MTCL2: variants seen among roughly 807,000 people sequenced by gnomAD.
The protein encoded by MTCL2 is microtubule crosslinking factor 2.
the MTCL2 span, among the ~76,000 whole-genome samples, chr20:36,817,646 G>A: frequency 3.3e-5 from 5 of 152,166 alleles, no homozygotes; most frequent in Admixed American, 3.3e-4. Flanking sequence ...ATCACCCAGT[G>A]AGCAGCAATG....
At chr20:36,801,584 AT>A in the MTCL2 span, among the ~76,000 whole-genome samples, 1 of 152,052 alleles carries the variant, frequency 6.6e-6, no homozygotes, top group Admixed American at 6.6e-5. Flanking sequence ...TTAAAAAAAA[AT>A]GACAAGAAAG....
the MTCL2 span, among the ~76,000 whole-genome samples, chr20:36,808,353 C>CG: frequency 7.6e-6 from 1 of 131,840 alleles, no homozygotes; most frequent in Non-Finnish European, 1.6e-5. Context: ...GACTCCATCT[C>CG]GGAAAAAAAA....
the MTCL2 span, among the ~76,000 whole-genome samples, chr20:36,810,860 C>T: frequency 2.6e-5 from 4 of 152,070 alleles, no homozygotes; most frequent in Non-Finnish European, 5.9e-5. Context: ...ACTGGGATTA[C>T]AGGCACCCGC....
the MTCL2 span, among the ~76,000 whole-genome samples, chr20:36,832,330 C>T: frequency 1.3e-5 from 2 of 152,220 alleles, no homozygotes; most frequent in African/African-American, 4.8e-5. Context: ...GGGGATGCCC[C>T]ATCTCCACCA....
chr20:36,828,712 G>A, the MTCL2 span: 11 of 246,052 alleles, frequency 4.5e-5, no homozygotes, highest in Non-Finnish European at 6.3e-5. Context: ...ACAGAGGGCT[G>A]AGCCCCATGC....
the MTCL2 span, among the ~76,000 whole-genome samples, chr20:36,842,697 G>A: frequency 6.6e-6 from 1 of 152,192 alleles, no homozygotes; most frequent in Non-Finnish European, 1.5e-5. Context: ...ATTTGAACCT[G>A]GGAGGCAGAG....
At chr20:36,862,623 C>G in the MTCL2 span, 1 of 1,476,054 alleles carries the variant, frequency 6.8e-7, no homozygotes, top group South Asian at 1.3e-5. Flanking sequence ...AGCCGGCGAC[C>G]CCTGCGACCT....
chr20:36,819,565 G>A, the MTCL2 span, among the ~76,000 whole-genome samples: 1 of 148,520 alleles, frequency 6.7e-6, no homozygotes, highest in African/African-American at 2.5e-5. Context: ...GGGCCAGAGT[G>A]TAGCCAGCAC....
the MTCL2 span, among the ~76,000 whole-genome samples, chr20:36,861,720 A>G: frequency 2.0e-5 from 3 of 152,216 alleles, no homozygotes; most frequent in Non-Finnish European, 4.4e-5. Context: ...GGAAGCTTCC[A>G]GCCTCCCAGG....
At chr20:36,847,371 ACT>A in the MTCL2 span, among the ~76,000 whole-genome samples, 1 of 151,632 alleles carries the variant, frequency 6.6e-6, no homozygotes, top group Admixed American at 6.6e-5. Flanking sequence ...CAAACCCCAC[ACT>A]CTGAAATCTA....
chr20:36,841,194 G>A, the MTCL2 span, among the ~76,000 whole-genome samples: 10 of 138,050 alleles, frequency 7.2e-5, no homozygotes, highest in African/African-American at 1.6e-4. Flanking sequence ...TGAGCCCAGC[G>A]TGGTGGTTCA....
At chr20:36,822,676 T>A in the MTCL2 span, among the ~76,000 whole-genome samples, 1 of 152,062 alleles carries the variant, frequency 6.6e-6, no homozygotes, top group Non-Finnish European at 1.5e-5. Context: ...CAGGGCAGAT[T>A]TTCACCAAAT....
chr20:36,830,594 A>G, the MTCL2 span, among the ~76,000 whole-genome samples: 1 of 152,200 alleles, frequency 6.6e-6, no homozygotes, highest in Non-Finnish European at 1.5e-5. Flanking sequence ...GCAAAGCAAA[A>G]CAAAACAGAG....
At chr20:36,858,522 A>G in the MTCL2 span, among the ~76,000 whole-genome samples, 97 of 140,568 alleles carry the variant, frequency 6.9e-4, 2 homozygotes, top group Non-Finnish European at 1.2e-3. Flanking sequence ...ACACACACAC[A>G]CGGCAGGGAA....
chr20:36,810,941 C>T, the MTCL2 span, among the ~76,000 whole-genome samples: 2 of 152,072 alleles, frequency 1.3e-5, no homozygotes, highest in Non-Finnish European at 2.9e-5. Context: ...AGGCTCATCT[C>T]GAACTCCTAG....
chr20:36,794,260 G>T, the MTCL2 span: 1 of 1,551,204 alleles, frequency 6.4e-7, no homozygotes, highest in South Asian at 1.2e-5. The surrounding 1 kb of genome is among the most constrained non-coding windows in gnomAD (Gnocchi z 5.4). Flanking sequence ...GCTCGATAAT[G>T]ATCTTGCCCT....
chr20:36,787,006 C>A, the MTCL2 span, among the ~76,000 whole-genome samples: 1 of 151,256 alleles, frequency 6.6e-6, no homozygotes, highest in Admixed American at 6.6e-5. Flanking sequence ...CCTTTTTTTT[C>A]GTTTGAGACA....
At chr20:36,817,527 T>C in the MTCL2 span, 1 of 1,477,408 alleles carries the variant, frequency 6.8e-7, no homozygotes, top group South Asian at 1.3e-5. Context: ...GCTCACAGAA[T>C]GATGCACATG....
At chr20:36,824,086 C>G in the MTCL2 span, among the ~76,000 whole-genome samples, 1 of 152,128 alleles carries the variant, frequency 6.6e-6, no homozygotes, top group Non-Finnish European at 1.5e-5. Context: ...ATAGGGGCAA[C>G]ACCAGAAGAG....
Sources: allele counts gnomAD v4.1 joint callset (sites outside exome capture counted in the v4.1 genomes callset), GRCh38; gene constraint gnomAD v4.1.1; non-coding constraint Gnocchi (gnomAD v3.1); transcripts MANE v1.5; gene names NCBI Gene and HGNC (gene_info 2026-07-23, HGNC 2026-07-21).